MTA3: variants seen among roughly 807,000 people sequenced by gnomAD.
MTA3 encodes metastasis associated 1 family member 3, also known as metastasis-associated protein MTA3.
In MTA3, 34 loss-of-function variants were observed where a neutral mutation model predicts 83.5. The observed-to-expected ratio is 0.41, with a 90% CI of 0.31 to 0.54. MTA3 has a LOEUF of 0.54. MTA3 is among the 20% of genes least tolerant of loss of function. The pLI is 0.33. For missense variants in MTA3, 761 were observed against 726.4 expected (o/e 1.05, Z -0.55); for synonymous variants, 303 against 252.7 (o/e 1.20, Z -1.89).
chr2:42,695,987 G>T, intron 10 of MTA3, 148 bp downstream of exon 10: 2 of 542,592 alleles, frequency 3.7e-6, no homozygotes, highest in Non-Finnish European at 6.5e-6. Flanking sequence ...CATATCTTTA[G>T]GATATTATTT....
At chr2:42,518,486 G>A (rs1278554365) in intron 2 of MTA3, among the ~76,000 whole-genome samples, 2 of 152,154 alleles carry the variant, frequency 1.3e-5, no homozygotes, top group African/African-American at 2.4e-5. Flanking sequence ...GTAGTATTGC[G>A]TTGTAAGCCA....
At chr2:42,732,392 A>G (rs1287187296) in intron 16 of MTA3, among the ~76,000 whole-genome samples, 1 of 152,164 alleles carries the variant, frequency 6.6e-6, no homozygotes, top group Non-Finnish European at 1.5e-5. Flanking sequence ...TAAGCTCTAC[A>G]TTTGCCCCTT....
intron 9 of MTA3, 61 bp from the exon 10 acceptor site, chr2:42,695,704 A>C: frequency 2.8e-6 from 2 of 715,166 alleles, no homozygotes; most frequent in Non-Finnish European, 4.3e-6. Context: ...ATAGTAGCTT[A>C]TTTTCATCTC....
intron 4 of MTA3, among the ~76,000 whole-genome samples, chr2:42,634,547 A>G (rs1003186558): frequency 5.9e-5 from 9 of 152,274 alleles, no homozygotes; most frequent in African/African-American, 2.2e-4. Context: ...CCGTGATCCA[A>G]TCACCACCCA....
chr2:42,623,348 C>T (rs1303988547), intron 4 of MTA3, among the ~76,000 whole-genome samples: 1 of 152,140 alleles, frequency 6.6e-6, no homozygotes, highest in Non-Finnish European at 1.5e-5. Flanking sequence ...GCTGTAAAAC[C>T]TGCATGCTTT....
intron 4 of MTA3, among the ~76,000 whole-genome samples, chr2:42,636,629 T>TC (rs1340473351): frequency 2.7e-5 from 4 of 147,914 alleles, no homozygotes; most frequent in African/African-American, 4.9e-5. Flanking sequence ...TTTCTTTCTT[T>TC]TTTTTTTTTT....
chr2:42,672,472 A>C (rs1174387423), intron 8 of MTA3, among the ~76,000 whole-genome samples: 1 of 151,624 alleles, frequency 6.6e-6, no homozygotes, highest in Admixed American at 6.6e-5. Flanking sequence ...GTGAAACCCT[A>C]TCTCTACTAA....
intron 3 of MTA3, among the ~76,000 whole-genome samples, chr2:42,593,350 C>G (rs60833606): frequency 1.2e-5 from 1 of 81,698 alleles, no homozygotes; most frequent in Non-Finnish European, 2.5e-5. Flanking sequence ...GACTCTGTGT[C>G]AAAACAAAAA....
intron 8 of MTA3, among the ~76,000 whole-genome samples, chr2:42,680,908 C>T (rs994928318): frequency 4.3e-5 from 3 of 70,442 alleles, no homozygotes; most frequent in African/African-American, 7.1e-5. Flanking sequence ...AATATGCCAC[C>T]ATGCCTGTTT....
At chr2:42,709,138 T>C in intron 14 of MTA3, 42 bp downstream of exon 14, 1 of 1,532,996 alleles carries the variant, frequency 6.5e-7, no homozygotes, top group Non-Finnish European at 8.8e-7. Context: ...GTTGTGCTTC[T>C]GACCATTTTC....
At chr2:42,661,755 A>C (rs921628719) in intron 8 of MTA3, among the ~76,000 whole-genome samples, 2 of 152,180 alleles carry the variant, frequency 1.3e-5, no homozygotes, top group Non-Finnish European at 2.9e-5. Flanking sequence ...CATTATACAT[A>C]ATAATAGCAA....
At chr2:42,711,174 T>C (rs1241659239) in intron 14 of MTA3, among the ~76,000 whole-genome samples, 2 of 152,208 alleles carry the variant, frequency 1.3e-5, no homozygotes, top group Admixed American at 6.5e-5. Context: ...AGTATCATCT[T>C]TGTCCTAGGA....
intron 3 of MTA3, among the ~76,000 whole-genome samples, chr2:42,603,799 C>T (rs1040114442): frequency 2.0e-5 from 3 of 152,184 alleles, no homozygotes; most frequent in Non-Finnish European, 4.4e-5. Flanking sequence ...GGCTCTGTCA[C>T]CCAGGCTGGT....
In MTA3 at chr2:42,755,769, C is replaced by T. The variant is rs1324924493; in HGVS notation, c.*2370C>T. The stretch of plus-strand genomic sequence containing the variant: ...CCTGCTGTGTGTCAGTGGCATGTCA[C>T]TGTGGTTCAGTGAGCACATGGGTGG... On this transcript the variant is annotated 3_prime_UTR_variant, in exon 17 of 17. Transcript: ENST00000405094. 3.0e-6 allele frequency: 3 copies of T among 985,576 alleles called. No individual in the cohort carries two copies. In the East Asian group the frequency reaches 3.4e-4, roughly 112 times the overall value. The allele number at this position is 985,576 out of a possible 1,614,324, so 61.1% of individuals were successfully genotyped here. A position where few individuals can be genotyped will look rare whatever the true frequency, so the allele number is the denominator to read the frequency against.
chr2:42,510,082 T>G (rs1158790867), intron 2 of MTA3, among the ~76,000 whole-genome samples: 1 of 152,058 alleles, frequency 6.6e-6, no homozygotes, highest in East Asian at 1.9e-4. Flanking sequence ...TCCCAGCACT[T>G]TGGGGGGCCA....
At chr2:42,622,028 C>T (rs1446530561) in intron 4 of MTA3, among the ~76,000 whole-genome samples, 97 of 152,312 alleles carry the variant, frequency 6.4e-4, no homozygotes, top group Admixed American at 1.8e-3. Flanking sequence ...GCTGCAGTCT[C>T]GGCACTTTGG....
chr2:42,754,330 A>G lies in MTA3; in HGVS notation c.*931A>G. On this transcript the variant is annotated 3_prime_UTR_variant, in exon 17 of 17. Transcript: ENST00000405094. The stretch of plus-strand genomic sequence containing the variant: ...GTTTGGCCTAGAGGTGTGGAGTGAG[A>G]GAACTGTGTTTGTGGGTATGAGTCT... 1.0e-6 allele frequency: 1 copy of G among 985,444 alleles called. No individual in the cohort carries two copies. The highest frequency in any genetic ancestry group is 1.2e-6 in the Non-Finnish European group (1 of 829,970). 61.0% of individuals were successfully genotyped at this position (985,444 alleles called of 1,614,324 possible).
intron 6 of MTA3, among the ~76,000 whole-genome samples, chr2:42,653,788 A>C (rs1046831240): frequency 1.5e-4 from 23 of 152,262 alleles, no homozygotes; most frequent in African/African-American, 5.5e-4. Context: ...TTTGAAAAAT[A>C]AACATCAATT....
intron 8 of MTA3, among the ~76,000 whole-genome samples, chr2:42,661,940 C>G (rs936033269): frequency 1.3e-5 from 2 of 152,122 alleles, no homozygotes; most frequent in African/African-American, 2.4e-5. Context: ...TGCCTCCTTT[C>G]AAGAGCCAGC....
Sources: allele counts gnomAD v4.1 joint callset (sites outside exome capture counted in the v4.1 genomes callset), GRCh38; gene constraint gnomAD v4.1.1; transcripts MANE v1.5; gene names NCBI Gene and HGNC (gene_info 2026-07-23, HGNC 2026-07-21).